Variants in UBR3 observed in about 807,000 individuals in gnomAD.
The protein encoded by UBR3 is E3 ubiquitin-protein ligase UBR3.
Under a neutral mutation model 243.2 loss-of-function variants are expected in UBR3, and 85 were observed. The observed-to-expected ratio is 0.35, with a 90% CI of 0.29 to 0.42. The LOEUF (loss-of-function observed/expected upper bound fraction) is 0.42. Ranked by LOEUF, UBR3 falls within the 10% of genes least tolerant of loss-of-function variation. The probability of loss-of-function intolerance (pLI) is 1.00; values close to 1 mark genes in which losing one functional copy is unlikely to be tolerated. For missense variants in UBR3, 1,686 were observed against 2,300.8 expected (o/e 0.73, Z 5.47); for synonymous variants, 748 against 799.8 (o/e 0.94, Z 1.09).
At chr2:169,951,052 T>A (rs2087005450) in intron 23 of UBR3, among the ~76,000 whole-genome samples, 1 of 152,170 alleles carries the variant, frequency 6.6e-6, no homozygotes, top group Non-Finnish European at 1.5e-5. Context: ...TAAGACAAAT[T>A]TGTCTACCAA....
chr2:169,917,895 G>A (rs1447317547), intron 11 of UBR3, among the ~76,000 whole-genome samples: 1 of 152,050 alleles, frequency 6.6e-6, no homozygotes, highest in East Asian at 1.9e-4. Context: ...TAGAGATGGG[G>A]TTTCACCATG....
chr2:169,899,354 C>T (rs2084722339), intron 8 of UBR3, among the ~76,000 whole-genome samples: 1 of 152,114 alleles, frequency 6.6e-6, no homozygotes, highest in Non-Finnish European at 1.5e-5. Context: ...GTAATATGAT[C>T]TATTCTTTCC....
chr2:170,073,491 G>A lies in UBR3; in HGVS notation c.5083G>A (p.Glu1695Lys). The change falls in exon 36 of 39, where the codon GAA (glutamate) becomes AAA (lysine). Residue 1695 changes from glutamate (E) to lysine (K), a missense_variant. This residue lies in a region of UBR3 where 371 missense variants were observed against 422.5 expected (regional missense o/e 0.88). Coordinates refer to ENST00000272793, the MANE Select transcript of UBR3 (RefSeq NM_172070.4). ...LGLLPTFYQT[E>K]HPFISASCLD... The stretch of plus-strand genomic sequence containing the variant: ...ACTTCTGCCAACGTTTTACCAAACA[G>A]AACATCCATTCATCAGTGCCTCCTG... 1.2e-6 allele frequency: 2 copies of A among 1,613,834 alleles called. No individual in the cohort carries two copies. The highest frequency in any genetic ancestry group is 1.7e-6 in the Non-Finnish European group (2 of 1,179,754).
intron 32 of UBR3, among the ~76,000 whole-genome samples, chr2:170,043,669 C>T (rs1466934076): frequency 6.6e-6 from 1 of 152,092 alleles, no homozygotes; most frequent in Admixed American, 6.6e-5. Flanking sequence ...CTACTGTGTA[C>T]CAGGTTGCTA....
chr2:169,948,921 C>T (rs1028736776), intron 22 of UBR3, among the ~76,000 whole-genome samples: 29 of 151,360 alleles, frequency 1.9e-4, no homozygotes, highest in African/African-American at 7.0e-4. Context: ...AAAAAAAAAA[C>T]TGTTCAAAAA....
At position 170,040,888 on chromosome 2, in the gene UBR3, A is replaced by G; in HGVS notation, c.4563A>G (p.Gly1521=). The change falls in exon 32 of 39, where the codon GGA becomes GGG. Residue 1521 remains glycine, a synonymous_variant. Coordinates refer to ENST00000272793, the MANE Select transcript of UBR3 (RefSeq NM_172070.4). ...GACTACATTTTTCTTTTAGGCTGGG[A>G]TATGAAGAACAACAGCCTGAGGTTC... The part of the protein sequence containing the change: ...TQLEEMNPQL[G]YEEQQPEVPI... The G allele has an allele frequency of 6.2e-7, 1 of 1,613,020 alleles. No homozygotes were observed. Among genetic ancestry groups the G allele is most frequent in the South Asian group, 1.1e-5 (1 of 91,044 alleles).
chr2:169,987,397 AAAAAAAAAAAAC>A (rs2089064262), intron 25 of UBR3, among the ~76,000 whole-genome samples: 2 of 150,378 alleles, frequency 1.3e-5, no homozygotes, highest in African/African-American at 2.4e-5. Context: ...TGTCTCAAAA[AAAAAAAAAAAAC>A]AAAAAAAAAA....
At position 169,906,179 on chromosome 2, in the gene UBR3, T is replaced by C. The variant is rs1385212004; in HGVS notation, c.1779+15T>C. On this transcript the variant is annotated intron_variant, in intron 10 of 38. Coordinates refer to ENST00000272793, the MANE Select transcript of UBR3 (RefSeq NM_172070.4). ...GTAAAGTTAGGGTATGTTGGAAATA[T>C]TTTTGTTAATTTCTGTGTTTAAGAA... is the stretch of plus-strand genomic sequence containing the variant. 11 of 1,526,864 alleles carry C rather than the reference T, an allele frequency of 7.2e-6. No homozygotes were observed. The highest frequency in any genetic ancestry group is 1.3e-5 in the South Asian group (1 of 79,304). 94.6% of individuals were successfully genotyped at this position (1,526,864 alleles called of 1,614,324 possible). A position where few individuals can be genotyped will look rare whatever the true frequency, so the allele number is the denominator to read the frequency against.
intron 1 of UBR3, among the ~76,000 whole-genome samples, chr2:169,856,578 C>T (rs904798644): frequency 2.0e-5 from 3 of 152,242 alleles, no homozygotes; most frequent in African/African-American, 7.2e-5. Context: ...CGTCTGCAAT[C>T]CCGGCACCTC....
At chr2:169,933,771 T>A (rs6748166) in intron 19 of UBR3, among the ~76,000 whole-genome samples, 105,971 of 152,028 alleles carry the variant, frequency 0.7, 38,096 homozygotes, top group East Asian at 0.88. Flanking sequence ...TGCCAAGACT[T>A]TGCAGTAATA....
At chr2:169,831,677 G>A (rs1029571633) in intron 1 of UBR3, among the ~76,000 whole-genome samples, 14 of 152,062 alleles carry the variant, frequency 9.2e-5, no homozygotes, top group African/African-American at 3.4e-4. Context: ...AGGTGATGTT[G>A]ACCAGCTCTG....
At chr2:169,969,208 A>G (rs1483803909) in intron 24 of UBR3, among the ~76,000 whole-genome samples, 1 of 152,062 alleles carries the variant, frequency 6.6e-6, no homozygotes, top group African/African-American at 2.4e-5. Context: ...AACCCCATTT[A>G]TCTATTTTTG....
Position 170,008,932 on chromosome 2 carries a change from T to C in UBR3, c.4359T>C (p.Ser1453=), listed in dbSNP as rs80239364. Residue 1453 remains serine, a synonymous_variant, in exon 29 of 39, where the codon TCT becomes TCC. Transcript: ENST00000272793. Reference sequence around the variant, plus strand: ...ACAATGATTTTCTCTTTATGTACTCTGTTGCTAGGTAGGTATATATAGTGT... The same window carrying C: ...ACAATGATTTTCTCTTTATGTACTCCGTTGCTAGGTAGGTATATATAGTGT... ...SPDNDFLFMY[S]VARTNLELEL... is the part of the protein sequence containing the mutation. 0.028 allele frequency: 44,282 copies of C among 1,587,218 alleles called. 734 individuals are homozygous for C. The highest frequency in any genetic ancestry group is 0.033 in the Middle Eastern group (199 of 6,006).
chr2:169,911,993 G>A (rs1415189164), intron 10 of UBR3, among the ~76,000 whole-genome samples: 2 of 152,110 alleles, frequency 1.3e-5, no homozygotes, highest in Non-Finnish European at 2.9e-5. Context: ...TTGTGGCAAT[G>A]GAAATAAGCA....
chr2:169,997,448 A>G lies in UBR3; in HGVS notation c.3918+2992A>G, dbSNP rs139606149. Reference sequence around the variant, plus strand: ...AGACACCAGCAACCACAGAGCCCCAAGGGGGTGTCACAGCTTCTGCTTGGG... The same window carrying G: ...AGACACCAGCAACCACAGAGCCCCAGGGGGGTGTCACAGCTTCTGCTTGGG... On this transcript the variant is annotated intron_variant, in intron 26 of 38. Coordinates refer to ENST00000272793, the MANE Select transcript of UBR3 (RefSeq NM_172070.4). Among the ~76,000 whole-genome samples the G allele has an allele frequency of 4.6e-4, 70 of 152,130 alleles. 1 individual carries two copies. In the East Asian group the frequency reaches 0.012, roughly 26 times the overall value.
chr2:170,044,145 A>G (rs1474721138), intron 32 of UBR3, among the ~76,000 whole-genome samples: 1 of 152,130 alleles, frequency 6.6e-6, no homozygotes, highest in African/African-American at 2.4e-5. Context: ...TTTTGATGTA[A>G]GAGTTAATAG....
intron 30 of UBR3, among the ~76,000 whole-genome samples, chr2:170,021,845 T>G (rs1559194527): frequency 6.6e-6 from 1 of 152,190 alleles, no homozygotes; most frequent in Non-Finnish European, 1.5e-5. Context: ...GATTTGTGAC[T>G]TAAGTAGCCA....
chr2:169,850,353 A>AT (rs1278202500), intron 1 of UBR3, among the ~76,000 whole-genome samples: 1 of 151,812 alleles, frequency 6.6e-6, no homozygotes. Context: ...CAATTTTAAA[A>AT]TTTTTTGTAG....
rs183804361 is a variant in UBR3, at chr2:169,987,404, A to C, written c.3784+610A>C. On this transcript the variant is annotated intron_variant, in intron 25 of 38. Transcript: ENST00000272793. The stretch of plus-strand genomic sequence containing the variant: ...CAAGACTCTGTCTCAAAAAAAAAAA[A>C]AAAACAAAAAAAAAACAAAAACAAT... Among the ~76,000 whole-genome samples the C allele has an allele frequency of 3.4e-3, 507 of 150,644 alleles. 22 individuals carry two copies. In the East Asian group the frequency reaches 0.092, roughly 27 times the overall value.
Sources: gnomAD v4.1 joint callset for allele counts (sites outside exome capture counted in the v4.1 genomes callset) on GRCh38, gnomAD v4.1.1 for gene constraint, gnomAD v4.1.1 regional missense constraint, MANE v1.5 for transcripts, NCBI Gene and HGNC (gene_info 2026-07-23, HGNC 2026-07-21) for gene names.